The following SDCCAG8 variants were observed in gnomAD, a reference collection of about 807,000 sequenced individuals.
SDCCAG8 encodes SHH signaling and ciliogenesis regulator SDCCAG8.
SDCCAG8 carries 74 observed loss-of-function variants against 101.8 expected under a neutral mutation model. That is an observed-to-expected ratio of 0.73 (90% CI 0.60 to 0.88). The LOEUF is 0.88. SDCCAG8 is among the 40% of genes least tolerant of loss of function. The pLI, the probability that SDCCAG8 is intolerant of heterozygous loss-of-function variation, is 0.00. For synonymous variants in SDCCAG8, 281 were observed against 292.9 expected (o/e 0.96, Z 0.41); for missense variants, 787 against 822.6 (o/e 0.96, Z 0.53).
At chr1:243,418,918 T>A (rs2039836) in intron 15 of SDCCAG8, among the ~76,000 whole-genome samples, 1,753 of 152,276 alleles carry the variant, frequency 0.012, 40 homozygotes, top group African/African-American at 0.041. Flanking sequence ...CCTGTGTGTC[T>A]TCTTTTCTGC....
intron 17 of SDCCAG8, among the ~76,000 whole-genome samples, chr1:243,496,962 C>A (rs917687918): frequency 1.3e-5 from 2 of 152,352 alleles, no homozygotes; most frequent in Admixed American, 6.5e-5. Flanking sequence ...CTGTCGCCCC[C>A]CTCTGAGCTG....
At chr1:243,370,788 C>G (rs988267865) in intron 12 of SDCCAG8, among the ~76,000 whole-genome samples, 1 of 150,856 alleles carries the variant, frequency 6.6e-6, no homozygotes, top group African/African-American at 2.4e-5. Context: ...TAACATTATG[C>G]AAAGAAAAAA....
intron 8 of SDCCAG8, 98 bp from the exon 9 acceptor site, chr1:243,316,657 G>C: frequency 6.9e-7 from 1 of 1,450,876 alleles, no homozygotes; most frequent in African/African-American, 1.4e-5. Flanking sequence ...GGCCTACCCT[G>C]GCTCTTCTAA....
chr1:243,418,089 A>G lies in SDCCAG8; in HGVS notation c.1853+13A>G, dbSNP rs2148018785. ...CTCAAAAAACCAGGTAGGTGATGTT[A>G]TAGAATACTTTCAAGAGCACTGTTT... is the stretch of plus-strand genomic sequence containing the variant. On this transcript the variant is annotated intron_variant, in intron 15 of 17. Transcript: ENST00000366541. 6.4e-7 allele frequency: 1 copy of G among 1,550,726 alleles called. No homozygotes were observed. The highest frequency in any genetic ancestry group is 8.9e-7 in the Non-Finnish European group (1 of 1,123,002).
chr1:243,278,536 G>A (rs1323909775), intron 4 of SDCCAG8, among the ~76,000 whole-genome samples: 1 of 151,986 alleles, frequency 6.6e-6, no homozygotes, highest in Non-Finnish European at 1.5e-5. Context: ...TTATTTTTTA[G>A]TGTAATGGTA....
intron 9 of SDCCAG8, among the ~76,000 whole-genome samples, chr1:243,317,731 G>A (rs2073384439): frequency 6.6e-6 from 1 of 152,176 alleles, no homozygotes. Flanking sequence ...TTGAAGAATA[G>A]GAGGTTACTG....
intron 5 of SDCCAG8, among the ~76,000 whole-genome samples, chr1:243,289,488 T>C (rs925728444): frequency 2.0e-5 from 3 of 152,220 alleles, no homozygotes; most frequent in Non-Finnish European, 4.4e-5. Context: ...ATTAACCATC[T>C]CATATAGTAA....
At chr1:243,294,706 C>A (rs1013011922) in intron 6 of SDCCAG8, among the ~76,000 whole-genome samples, 2 of 127,258 alleles carry the variant, frequency 1.6e-5, no homozygotes, top group African/African-American at 4.0e-5. Flanking sequence ...TCCCCCCCCC[C>A]CCCACAGCTG....
rs35934186 is a variant in SDCCAG8 at position 243,269,302 on chromosome 1, A to ATT, written c.68-785_68-784dup. ...AATGAGGCTGGGTTCCTTGGAGGCTATTTTTTTTTTTTTTTTTTTCTGAAA... is the reference window on the plus strand; with the variant it reads ...AATGAGGCTGGGTTCCTTGGAGGCTATTTTTTTTTTTTTTTTTTTTTCTGAAA... On this transcript the variant is annotated intron_variant, in intron 1 of 17. Transcript: ENST00000366541. 1,071 of 120,534 alleles carry ATT rather than the reference A, an allele frequency of 8.9e-3. 9 individuals are homozygous for ATT. The highest frequency in any genetic ancestry group is 0.02 in the South Asian group (78 of 3,862). The allele number at this position is 120,534 out of a possible 1,614,324, so 7.5% of individuals were successfully genotyped here. A position where few individuals can be genotyped will look rare whatever the true frequency, so the allele number is the denominator to read the frequency against.
intron 9 of SDCCAG8, among the ~76,000 whole-genome samples, chr1:243,327,035 A>ACCTT (rs1054881312): frequency 1.5e-4 from 23 of 152,206 alleles, no homozygotes; most frequent in Admixed American, 1.2e-3. Flanking sequence ...AAGAAAAGGT[A>ACCTT]CCTTCAGGAA....
intron 16 of SDCCAG8, among the ~76,000 whole-genome samples, chr1:243,455,413 G>T (rs1015977559): frequency 6.6e-6 from 1 of 152,160 alleles, no homozygotes; most frequent in Non-Finnish European, 1.5e-5. Flanking sequence ...GGGATTACAG[G>T]TGTCGGCTAC....
chr1:243,261,200 T>C (rs1415975452), intron 1 of SDCCAG8, among the ~76,000 whole-genome samples: 4 of 152,146 alleles, frequency 2.6e-5, no homozygotes, highest in East Asian at 1.9e-4. Flanking sequence ...TCTTTTTCCC[T>C]CTTTTCCTCC....
chr1:243,372,967 TTAA>T (rs2077390299), intron 12 of SDCCAG8, among the ~76,000 whole-genome samples: 2 of 145,196 alleles, frequency 1.4e-5, no homozygotes, highest in Non-Finnish European at 3.0e-5. Flanking sequence ...TATATATATC[TTAA>T]TATATATATA....
intron 15 of SDCCAG8, among the ~76,000 whole-genome samples, chr1:243,423,147 AC>A (rs1187891100): frequency 6.6e-6 from 1 of 152,174 alleles, no homozygotes; most frequent in Non-Finnish European, 1.5e-5. Context: ...AAAGAAAAAA[AC>A]AAAAATGTGA....
chr1:243,452,405 A>T (rs1574123713), intron 16 of SDCCAG8, among the ~76,000 whole-genome samples: 1 of 92,232 alleles, frequency 1.1e-5, no homozygotes, highest in Non-Finnish European at 2.1e-5. Context: ...CCTTGAGATG[A>T]TCTCATCTCT....
chr1:243,494,458 T>C (rs190722631), intron 17 of SDCCAG8, among the ~76,000 whole-genome samples: 3 of 152,332 alleles, frequency 2.0e-5, no homozygotes, highest in Admixed American at 2.0e-4. Flanking sequence ...TTTTAAAAAA[T>C]GACACAAGAC....
intron 15 of SDCCAG8, among the ~76,000 whole-genome samples, chr1:243,425,648 G>T (rs1183520240): frequency 6.6e-6 from 1 of 152,126 alleles, no homozygotes; most frequent in East Asian, 1.9e-4. Context: ...GGAGATGGTG[G>T]CAGTAGGCAG....
intron 4 of SDCCAG8, among the ~76,000 whole-genome samples, 196 bp from the exon 5 acceptor site, chr1:243,286,076 C>T (rs971372172): frequency 6.6e-6 from 1 of 152,222 alleles, no homozygotes; most frequent in Non-Finnish European, 1.5e-5. Flanking sequence ...CCAGCAGGCC[C>T]ATTACTATAT....
intron 8 of SDCCAG8, among the ~76,000 whole-genome samples, chr1:243,310,983 C>A (rs1558274738): frequency 6.6e-6 from 1 of 152,206 alleles, no homozygotes; most frequent in Non-Finnish European, 1.5e-5. Flanking sequence ...TTTCACTCTG[C>A]TGGTGGGTTC....
Sources: allele counts gnomAD v4.1 joint callset (sites outside exome capture counted in the v4.1 genomes callset), GRCh38; gene constraint gnomAD v4.1.1; transcripts MANE v1.5; gene names NCBI Gene and HGNC (gene_info 2026-07-23, HGNC 2026-07-21).